The following CWF19L1 variants were observed in gnomAD, a reference collection of about 807,000 sequenced individuals.
CWF19L1 encodes the protein CWF19-like protein 1.
In CWF19L1, 60 loss-of-function variants were observed where a neutral mutation model predicts 69.7. The observed-to-expected ratio is 0.86, with a 90% CI of 0.70 to 1.07. The LOEUF (loss-of-function observed/expected upper bound fraction) is 1.07. CWF19L1 is among the 50% of genes least tolerant of loss of function. The pLI is 0.00. For synonymous variants in CWF19L1, 209 were observed against 222.2 expected (o/e 0.94, Z 0.53); for missense variants, 591 against 638.9 (o/e 0.92, Z 0.81).
intron 4 of CWF19L1, among the ~76,000 whole-genome samples, chr10:100,256,999 G>A (rs954981567): frequency 6.6e-6 from 1 of 152,196 alleles, no homozygotes; most frequent in Non-Finnish European, 1.5e-5. Context: ...ACTTCCAAGT[G>A]AAGGAAAACA....
chr10:100,249,171 G>T, intron 7 of CWF19L1: 1 of 327,116 alleles, frequency 3.1e-6, no homozygotes, highest in Non-Finnish European at 5.7e-6. Context: ...AAATCACTAT[G>T]AAATTTCATG....
rs558907453 is a variant in CWF19L1 at position 100,248,626 on chromosome 10, A to G, written c.708+1622T>C. The stretch of plus-strand genomic sequence containing the variant: ...TAAGCGTGTGCTGCTGTCCATCACT[A>G]CTGAGATCCTCAAGTCAGTGGTGGC... On this transcript the variant is annotated intron_variant, in intron 7 of 13. Coordinates refer to ENST00000354105, the MANE Select transcript of CWF19L1 (RefSeq NM_018294.6). 212 of 756,062 alleles carry G rather than the reference A, an allele frequency of 2.8e-4. 1 individual carries two copies. In the Middle Eastern group the frequency reaches 4.9e-3, roughly 18 times the overall value. The allele number at this position is 756,062 out of a possible 1,614,324, so 46.8% of individuals were successfully genotyped here.
intron 12 of CWF19L1, 82 bp from the exon 13 acceptor site, chr10:100,235,846 C>A (rs756131189): frequency 8.2e-6 from 8 of 979,738 alleles, no homozygotes; most frequent in Non-Finnish European, 1.3e-5. Flanking sequence ...GCAAATAATT[C>A]AGTCTAAATG....
At chr10:100,264,071 C>T (rs151286791) in intron 1 of CWF19L1, among the ~76,000 whole-genome samples, 186 of 152,314 alleles carry the variant, frequency 1.2e-3, no homozygotes, top group African/African-American at 3.6e-3. Flanking sequence ...ATTCCTATCG[C>T]CTAGTGATGT....
chr10:100,237,220 G>A, intron 11 of CWF19L1: 1 of 674,852 alleles, frequency 1.5e-6, no homozygotes. Context: ...ACAAGCCTTT[G>A]CCATCTCCGA....
chr10:100,247,577 T>A (rs1447861325), intron 7 of CWF19L1, among the ~76,000 whole-genome samples: 2 of 152,196 alleles, frequency 1.3e-5, no homozygotes, highest in Admixed American at 6.5e-5. Flanking sequence ...ATATCATTTA[T>A]CACATTGGCA....
intron 6 of CWF19L1, 94 bp from the exon 7 acceptor site, chr10:100,250,426 C>G: frequency 1.3e-6 from 1 of 759,850 alleles, no homozygotes; most frequent in Non-Finnish European, 2.3e-6. Context: ...ATAAAAAGAG[C>G]AGAGGTCCTC....
At chr10:100,241,214 C>T (rs1846629360) in intron 10 of CWF19L1, among the ~76,000 whole-genome samples, 2 of 151,910 alleles carry the variant, frequency 1.3e-5, no homozygotes, top group Admixed American at 6.6e-5. Context: ...ACCTTCTTGG[C>T]CAGGCTGGTC....
Position 100,262,043 on chromosome 10 carries a change from T to C in CWF19L1, c.44A>G (p.Glu15Gly). ...PLRLLACGDV[E>G]GKFDILFNRV... is the part of the protein sequence containing the mutation. ...ATTGAATAAAATATCAAACTTTCCT[T>C]CAACATCTCCACAAGCCAAGCTGCA... Residue 15 changes from glutamate (E) to glycine (G), a missense_variant, in exon 2 of 14, where the codon GAA becomes GGA. Glu to Gly is a moderately conservative substitution (Grantham distance 98). Transcript: ENST00000354105. The C allele has an allele frequency of 6.2e-7, 1 of 1,610,804 alleles. No homozygotes were observed. The highest frequency in any genetic ancestry group is 8.5e-7 in the Non-Finnish European group (1 of 1,179,238).
At position 100,252,588 on chromosome 10, in the gene CWF19L1, A is replaced by G. The variant is rs189791541; in HGVS notation, c.623+833T>C. Among the ~76,000 whole-genome samples, 10 of 152,314 alleles carry G rather than the reference A, an allele frequency of 6.6e-5. No homozygotes were observed. In the South Asian group the frequency reaches 1.9e-3, roughly 28 times the overall value. ...GGTGGCTCACGCCTGTAATCCCAGC[A>G]CTTTGGGAGGCTGAGGTGGGCAGAT... On this transcript the variant is annotated intron_variant, in intron 6 of 13. Coordinates refer to ENST00000354105, the MANE Select transcript of CWF19L1 (RefSeq NM_018294.6).
chr10:100,267,419 C>T (rs1368716327), intron 1 of CWF19L1, 152 bp downstream of exon 1: 2 of 1,527,184 alleles, frequency 1.3e-6, no homozygotes, highest in East Asian at 4.6e-5. Flanking sequence ...CAGCCCCGGC[C>T]AGGCAAAGAC....
At chr10:100,256,173 T>C (rs1847205132) in intron 5 of CWF19L1, 89 bp downstream of exon 5, 4 of 970,854 alleles carry the variant, frequency 4.1e-6, no homozygotes, top group Non-Finnish European at 6.5e-6. Flanking sequence ...AGAGCTAAAA[T>C]ACTCAATATA....
chr10:100,262,327 G>GTC (rs1316606503), intron 1 of CWF19L1: 2 of 985,264 alleles, frequency 2.0e-6, no homozygotes, highest in Admixed American at 6.2e-5. Context: ...TTGTGGACAT[G>GTC]TCTATGGCTG....
At chr10:100,256,628 G>C (rs1026888008) in intron 4 of CWF19L1, 152 bp from the exon 5 acceptor site, 27 of 643,526 alleles carry the variant, frequency 4.2e-5, no homozygotes, top group African/African-American at 4.0e-4. Flanking sequence ...TGGCTGCTAG[G>C]CATCAATGGT....
intron 5 of CWF19L1, among the ~76,000 whole-genome samples, chr10:100,255,824 G>A (rs1296773889): frequency 6.6e-6 from 1 of 151,300 alleles, no homozygotes. Flanking sequence ...TAGCTACTCA[G>A]GAGGCTGAGG....
intron 2 of CWF19L1, among the ~76,000 whole-genome samples, chr10:100,261,553 C>T (rs1332504226): frequency 1.3e-5 from 2 of 152,230 alleles, no homozygotes; most frequent in Non-Finnish European, 2.9e-5. Context: ...ATACTCTCTT[C>T]TGTACTCTTA....
chr10:100,246,756 G>T (rs749430242), intron 8 of CWF19L1, 39 bp downstream of exon 8: 3 of 1,568,694 alleles, frequency 1.9e-6, no homozygotes, highest in Admixed American at 1.8e-5. Context: ...ACTAGGAAAA[G>T]AACACATATA....
In CWF19L1 at chr10:100,246,888, T is replaced by C. The variant is rs772222278; in HGVS notation, c.756A>G (p.Ala252=). Residue 252 remains alanine, a synonymous_variant, in exon 8 of 14, where the codon GCA becomes GCG. Transcript: ENST00000354105. ...SIVPMKLMDA[A]ELVKQPPDVT... The stretch of plus-strand genomic sequence containing the variant: ...CATCCGGAGGCTGTTTTACCAGTTC[T>C]GCTGCATCCATTAGCTTCATGGGAA... 3 of 1,613,966 alleles carry C rather than the reference T, an allele frequency of 1.9e-6. No individual in the cohort carries two copies. The South Asian group carries it at 3.3e-5, about 18-fold the overall frequency.
chr10:100,248,573 T>A (rs966993107), intron 7 of CWF19L1: 2 of 733,404 alleles, frequency 2.7e-6, no homozygotes, highest in Non-Finnish European at 5.0e-6. Context: ...CTTCCTCGCA[T>A]CTTGACCAGC....
Sources: gnomAD v4.1 joint callset for allele counts (sites outside exome capture counted in the v4.1 genomes callset) on GRCh38, gnomAD v4.1.1 for gene constraint, MANE v1.5 for transcripts, NCBI Gene and HGNC (gene_info 2026-07-23, HGNC 2026-07-21) for gene names.